KHDRBS3: variants seen among roughly 807,000 people sequenced by gnomAD.
KHDRBS3 encodes the protein KH RNA binding domain containing, signal transduction associated 3.
KHDRBS3 carries 23 observed loss-of-function variants against 45.6 expected under a neutral mutation model. That is an observed-to-expected ratio of 0.50 (90% CI 0.36 to 0.72). The LOEUF is 0.72. Among genes scored for constraint, KHDRBS3 ranks in the 30% least tolerant of loss-of-function variants. The pLI, the probability that KHDRBS3 is intolerant of heterozygous loss-of-function variation, is 0.00. For missense variants in KHDRBS3, 352 were observed against 424.8 expected (o/e 0.83, Z 1.51); for synonymous variants, 162 against 156.5 (o/e 1.04, Z -0.26).
At chr8:135,553,119 A>G (rs1182289531) in intron 4 of KHDRBS3, among the ~76,000 whole-genome samples, 2 of 152,120 alleles carry the variant, frequency 1.3e-5, no homozygotes, top group South Asian at 2.1e-4. Context: ...TTTCTGAATT[A>G]TCTGTCCAAT....
At chr8:135,603,052 G>T (rs1829288702) in intron 6 of KHDRBS3, among the ~76,000 whole-genome samples, 1 of 152,074 alleles carries the variant, frequency 6.6e-6, no homozygotes, top group Non-Finnish European at 1.5e-5. Context: ...TCTGTGCTTT[G>T]AAGCTAATTT....
intron 7 of KHDRBS3, among the ~76,000 whole-genome samples, chr8:135,622,046 A>C (rs1293225768): frequency 6.6e-6 from 1 of 151,980 alleles, no homozygotes; most frequent in Admixed American, 6.6e-5. Flanking sequence ...ATGTCTCCCT[A>C]CTGCAGCCCA....
intron 5 of KHDRBS3, among the ~76,000 whole-genome samples, chr8:135,561,596 C>A (rs998184642): frequency 6.6e-6 from 1 of 151,764 alleles, no homozygotes; most frequent in African/African-American, 2.4e-5. Flanking sequence ...TTCATTCTAG[C>A]ACTTTTATTG....
At chr8:135,607,742 G>T (rs181891413) in intron 7 of KHDRBS3, among the ~76,000 whole-genome samples, 81 of 152,244 alleles carry the variant, frequency 5.3e-4, no homozygotes, top group Non-Finnish European at 1.1e-3. Context: ...CAAAATATTG[G>T]CTTTGTAGTG....
intron 1 of KHDRBS3, among the ~76,000 whole-genome samples, chr8:135,468,661 C>T (rs1211697797): frequency 6.6e-6 from 1 of 152,206 alleles, no homozygotes; most frequent in African/African-American, 2.4e-5. Flanking sequence ...TCTGCTTACC[C>T]TTCCCTGCTC....
At chr8:135,644,010 G>A (rs1387682974) in intron 7 of KHDRBS3, among the ~76,000 whole-genome samples, 1 of 152,092 alleles carries the variant, frequency 6.6e-6, no homozygotes, top group African/African-American at 2.4e-5. Context: ...TGGAAGAATG[G>A]GGATGTTTAT....
Position 135,645,164 on chromosome 8 carries a change from G to A in KHDRBS3, c.949+47G>A, listed in dbSNP as rs1338546552. On this transcript the variant is annotated intron_variant, in intron 8 of 8. Transcript: ENST00000355849. The stretch of plus-strand genomic sequence containing the variant: ...GTGAAGAGAGGGAGGAGAGATGGCC[G>A]TAGAAAGACCTTAAAGATATTAATG... 5.1e-6 allele frequency: 8 copies of A among 1,578,984 alleles called. No individual in the cohort carries two copies. The East Asian group carries it at 6.7e-5, about 13-fold the overall frequency.
chr8:135,601,318 G>A (rs13269911), intron 6 of KHDRBS3, among the ~76,000 whole-genome samples: 30,932 of 152,258 alleles, frequency 0.2, 3,711 homozygotes, highest in Middle Eastern at 0.28. Context: ...CAAAAAGCAA[G>A]GCATATTGTA....
At chr8:135,520,359 T>C (rs1824845318) in intron 1 of KHDRBS3, among the ~76,000 whole-genome samples, 1 of 152,218 alleles carries the variant, frequency 6.6e-6, no homozygotes, top group African/African-American at 2.4e-5. Context: ...TTTGTATCTC[T>C]TGTGCAACCA....
intron 1 of KHDRBS3, among the ~76,000 whole-genome samples, chr8:135,502,994 C>T (rs11166593): frequency 0.54 from 82,680 of 151,970 alleles, 23,820 homozygotes; most frequent in East Asian, 0.78. Context: ...TCACTAGCCA[C>T]GCATGTGGCC....
chr8:135,639,133 G>T (rs960446289), intron 7 of KHDRBS3, among the ~76,000 whole-genome samples: 5 of 152,188 alleles, frequency 3.3e-5, no homozygotes, highest in Non-Finnish European at 2.9e-5. Context: ...ATTGACCATT[G>T]AATTTAGCAA....
chr8:135,599,763 G>A (rs1178152931), intron 6 of KHDRBS3, among the ~76,000 whole-genome samples: 3 of 152,244 alleles, frequency 2.0e-5, no homozygotes, highest in Non-Finnish European at 4.4e-5. Flanking sequence ...ACGCAGGAAG[G>A]AGAGAGGGAT....
In KHDRBS3 at chr8:135,457,858, C is replaced by CT; in HGVS notation, c.-9_-8insT. The CT allele has an allele frequency of 6.4e-7, 1 of 1,565,310 alleles. No individual in the cohort carries two copies. The highest frequency in any genetic ancestry group is 8.6e-7 in the Non-Finnish European group (1 of 1,157,084). ...GGAGTCCACATCCCGGGCCCGGCGGCCGGCGAGCATGGAGGAGAAGTACCT... is the reference window on the plus strand; with the variant it reads ...GGAGTCCACATCCCGGGCCCGGCGGCTCGGCGAGCATGGAGGAGAAGTACCT... On this transcript the variant is annotated 5_prime_UTR_variant, in exon 1 of 9. Transcript: ENST00000355849. This position sits in a 1 kb window ranked among gnomAD's most constrained non-coding sequence, Gnocchi z 4.4.
Position 135,458,306 on chromosome 8 carries a change from G to C in KHDRBS3, c.88+352G>C, listed in dbSNP as rs115049951. 572 of 603,886 alleles carry C rather than the reference G, an allele frequency of 9.5e-4. 4 individuals are homozygous for C. In the African/African-American group the frequency reaches 0.011, roughly 11 times the overall value. The allele number at this position is 603,886 out of a possible 1,614,324, so 37.4% of individuals were successfully genotyped here. ...TTGAATTATGTCATGGAAGGGGAGC[G>C]TGTTGGACTCGGGGAAGTAGGGCGT... On this transcript the variant is annotated intron_variant, in intron 1 of 8. Transcript: ENST00000355849.
chr8:135,594,182 A>G (rs1828872755), intron 6 of KHDRBS3, among the ~76,000 whole-genome samples: 2 of 152,232 alleles, frequency 1.3e-5, no homozygotes, highest in South Asian at 4.1e-4. Flanking sequence ...TATAGTGGTT[A>G]AAAGTAAATA....
intron 1 of KHDRBS3, among the ~76,000 whole-genome samples, chr8:135,520,656 T>C (rs942339576): frequency 6.6e-6 from 1 of 152,090 alleles, no homozygotes; most frequent in Non-Finnish European, 1.5e-5. Context: ...TGTGGTTGAG[T>C]CTCGAAAGGA....
At chr8:135,608,284 CCTT>C (rs1425109897) in intron 7 of KHDRBS3, among the ~76,000 whole-genome samples, 1 of 152,148 alleles carries the variant, frequency 6.6e-6, no homozygotes, top group Non-Finnish European at 1.5e-5. Flanking sequence ...ATAAATAAGT[CCTT>C]CTCAGATTTT....
intron 1 of KHDRBS3, among the ~76,000 whole-genome samples, chr8:135,506,525 G>T (rs368932812): frequency 6.6e-6 from 1 of 150,502 alleles, no homozygotes; most frequent in African/African-American, 2.4e-5. Flanking sequence ...TGCCTCAGCC[G>T]CCCAAGTAGG....
At chr8:135,612,809 C>A (rs572381645) in intron 7 of KHDRBS3, among the ~76,000 whole-genome samples, 1 of 151,754 alleles carries the variant, frequency 6.6e-6, no homozygotes, top group South Asian at 2.1e-4. Context: ...AGCTGTGGAC[C>A]CTTGACCCGT....
Sources: gnomAD v4.1 joint callset for allele counts (sites outside exome capture counted in the v4.1 genomes callset) on GRCh38, gnomAD v4.1.1 for gene constraint, Gnocchi (gnomAD v3.1) non-coding constraint, MANE v1.5 for transcripts, NCBI Gene and HGNC (gene_info 2026-07-23, HGNC 2026-07-21) for gene names.